Variants in SLC49A4 observed in about 807,000 individuals in gnomAD.
SLC49A4 encodes the protein disrupted in renal cancer protein 2.
Under a neutral mutation model 50.6 loss-of-function variants are expected in SLC49A4, and 36 were observed. The ratio of observed to expected loss-of-function variants is 0.71; its 90% confidence interval spans 0.55 to 0.94. SLC49A4 has a LOEUF of 0.94. SLC49A4 is among the 40% of genes least tolerant of loss of function. The pLI is 0.00. For missense variants in SLC49A4, 503 were observed against 605.7 expected, an observed-to-expected ratio of 0.83 and a Z score of 1.78; for synonymous variants, 248 against 241.2, an observed-to-expected ratio of 1.03 and a Z score of -0.26.
At chr3:122,844,351 G>A (rs1576303818) in intron 4 of SLC49A4, among the ~76,000 whole-genome samples, 1 of 152,112 alleles carries the variant, frequency 6.6e-6, no homozygotes, top group African/African-American at 2.4e-5. Flanking sequence ...GAGATTACAG[G>A]CATGAGCCAC....
intron 8 of SLC49A4, among the ~76,000 whole-genome samples, chr3:122,878,406 G>A (rs1937292531): frequency 6.6e-6 from 1 of 152,210 alleles, no homozygotes; most frequent in African/African-American, 2.4e-5. Flanking sequence ...TTGGGGTAGA[G>A]GAAGGCTGAA....
At chr3:122,842,229 G>A (rs1248993299) in intron 4 of SLC49A4, among the ~76,000 whole-genome samples, 1 of 152,108 alleles carries the variant, frequency 6.6e-6, no homozygotes, top group Admixed American at 6.5e-5. Context: ...GCTCACGCCT[G>A]TAATCCCAGC....
chr3:122,865,975 A>T (rs1008365030), intron 7 of SLC49A4, among the ~76,000 whole-genome samples: 4 of 152,150 alleles, frequency 2.6e-5, no homozygotes, highest in Non-Finnish European at 4.4e-5. Flanking sequence ...TTATTTCTTC[A>T]TAAAACTGTA....
At chr3:122,862,193 C>T (rs1329421985) in intron 7 of SLC49A4, among the ~76,000 whole-genome samples, 1 of 151,888 alleles carries the variant, frequency 6.6e-6, no homozygotes, top group Non-Finnish European at 1.5e-5. Context: ...TTAATGGCTA[C>T]TAAATTGTTA....
At chr3:122,838,874 A>G (rs1322397967) in intron 4 of SLC49A4, among the ~76,000 whole-genome samples, 2 of 152,136 alleles carry the variant, frequency 1.3e-5, no homozygotes, top group Non-Finnish European at 2.9e-5. Flanking sequence ...TTTTCATAGA[A>G]TTAGAAAAAA....
At chr3:122,831,961 AAC>A (rs1490878047) in intron 3 of SLC49A4, among the ~76,000 whole-genome samples, 1 of 149,982 alleles carries the variant, frequency 6.7e-6, no homozygotes, top group Non-Finnish European at 1.5e-5. Flanking sequence ...ACAGACTGAA[AAC>A]ACCAAAAAAA....
At chr3:122,830,816 T>C (rs1004671683) in intron 3 of SLC49A4, among the ~76,000 whole-genome samples, 6 of 152,046 alleles carry the variant, frequency 3.9e-5, no homozygotes, top group African/African-American at 1.4e-4. Context: ...TTTTTGTGCT[T>C]CAAAGAACCC....
chr3:122,872,690 A>T (rs1937211174), intron 8 of SLC49A4, 93 bp downstream of exon 8: 1 of 834,536 alleles, frequency 1.2e-6, no homozygotes, highest in Non-Finnish European at 1.8e-6. Flanking sequence ...GAGAAGTCTC[A>T]CCAAGGCAAA....
rs1937319372 is a variant in SLC49A4, at chr3:122,880,211, A to G, written c.*833A>G. On this transcript the variant is annotated 3_prime_UTR_variant, in exon 9 of 9. Transcript: ENST00000261038. ...GTGTCTTCTGCCTGTATATGGTGGC[A>G]TGAGATGTAATGTCCAGAGCCAACA... 6.6e-6 allele frequency: 1 copy of G among 152,262 alleles called. No individual in the cohort carries two copies. Among genetic ancestry groups the G allele is most frequent in the Non-Finnish European group, 1.5e-5 (1 of 68,042 alleles). 9.4% of individuals were successfully genotyped at this position (152,262 alleles called of 1,614,324 possible). A position where few individuals can be genotyped will look rare whatever the true frequency, so the allele number is the denominator to read the frequency against.
intron 7 of SLC49A4, among the ~76,000 whole-genome samples, chr3:122,868,770 G>A (rs1440552355): frequency 6.6e-6 from 1 of 152,136 alleles, no homozygotes; most frequent in Admixed American, 6.5e-5. Context: ...TCTATCCATT[G>A]TAATAGAAAC....
At chr3:122,874,731 CTA>C (rs905744842) in intron 8 of SLC49A4, among the ~76,000 whole-genome samples, 1 of 152,124 alleles carries the variant, frequency 6.6e-6, no homozygotes, top group Non-Finnish European at 1.5e-5. Flanking sequence ...CCCTATGAAA[CTA>C]TAAATAATCA....
chr3:122,830,977 C>T (rs1222531748), intron 3 of SLC49A4, among the ~76,000 whole-genome samples: 1 of 152,116 alleles, frequency 6.6e-6, no homozygotes, highest in Non-Finnish European at 1.5e-5. Flanking sequence ...GACTCAAACA[C>T]ATTTCTCCCA....
At chr3:122,834,725 A>C (rs1297141195) in intron 4 of SLC49A4, among the ~76,000 whole-genome samples, 1 of 152,122 alleles carries the variant, frequency 6.6e-6, no homozygotes, top group African/African-American at 2.4e-5. Flanking sequence ...AGCAGAACTA[A>C]ATAAAATTGA....
At chr3:122,809,871 T>C (rs548626888) in intron 2 of SLC49A4, among the ~76,000 whole-genome samples, 1 of 152,352 alleles carries the variant, frequency 6.6e-6, no homozygotes, top group South Asian at 2.1e-4. Context: ...ATTAACCCCT[T>C]GAAATAAGAC....
chr3:122,844,260 G>T (rs1245644482), intron 4 of SLC49A4, among the ~76,000 whole-genome samples: 2 of 152,094 alleles, frequency 1.3e-5, no homozygotes, highest in East Asian at 3.9e-4. Flanking sequence ...TTTTATAGAG[G>T]TGAGGTCTCA....
At chr3:122,859,079 TAGAG>T (rs1275764008) in intron 6 of SLC49A4, among the ~76,000 whole-genome samples, 3 of 152,088 alleles carry the variant, frequency 2.0e-5, no homozygotes, top group African/African-American at 7.2e-5. Context: ...GAGTTTCCAA[TAGAG>T]AAAGTGCTAT....
chr3:122,866,239 G>A (rs185020399), intron 7 of SLC49A4, among the ~76,000 whole-genome samples: 7 of 139,426 alleles, frequency 5.0e-5, no homozygotes, highest in Admixed American at 2.3e-4. Context: ...ATGGGGTTTC[G>A]CCACGTTGTC....
chr3:122,814,749 AACATTTTTTTGTGTG>A (rs1936341340), intron 2 of SLC49A4, among the ~76,000 whole-genome samples: 1 of 152,092 alleles, frequency 6.6e-6, no homozygotes, highest in Non-Finnish European at 1.5e-5. Flanking sequence ...ACTTTCTTAA[AACATTTTTTTGTGTG>A]ACATTTTTTT....
chr3:122,797,849 C>A (rs374432233), intron 1 of SLC49A4, among the ~76,000 whole-genome samples: 208 of 152,170 alleles, frequency 1.4e-3, no homozygotes, highest in African/African-American at 4.8e-3. Context: ...GACATGTTGG[C>A]ATGCGCCTGT....
Sources: allele counts gnomAD v4.1 joint callset (sites outside exome capture counted in the v4.1 genomes callset), GRCh38; gene constraint gnomAD v4.1.1; transcripts MANE v1.5; gene names NCBI Gene and HGNC (gene_info 2026-07-23, HGNC 2026-07-21).